ACAP2: variants seen among roughly 807,000 people sequenced by gnomAD.
ACAP2 encodes the protein arf-GAP with coiled-coil, ANK repeat and PH domain-containing protein 2.
A neutral mutation model predicts 115.8 loss-of-function variants in ACAP2; 39 were observed. The ratio of observed to expected loss-of-function variants is 0.34; its 90% CI spans 0.26 to 0.44. The LOEUF (loss-of-function observed/expected upper bound fraction) is 0.44, where lower values mean the gene tolerates loss of function less well. ACAP2 is among the 20% of genes least tolerant of loss of function. The pLI, the probability that ACAP2 is intolerant of heterozygous loss-of-function variation, is 1.00. For synonymous variants in ACAP2, 289 were observed against 315.8 expected, an observed-to-expected ratio of 0.92 and a Z score of 0.90; for missense variants, 662 against 927.6, an observed-to-expected ratio of 0.71 and a Z score of 3.72.
chr3:195,325,572 TAG>T, intron 9 of ACAP2: 2 of 381,118 alleles, frequency 5.2e-6, no homozygotes, highest in East Asian at 7.3e-5. Flanking sequence ...AAATTATTCT[TAG>T]AGTTAATAAT....
intron 4 of ACAP2, among the ~76,000 whole-genome samples, chr3:195,359,689 G>C (rs535827228): frequency 6.6e-6 from 1 of 152,132 alleles, no homozygotes; most frequent in Non-Finnish European, 1.5e-5. Flanking sequence ...GGATGGTCTC[G>C]ATCTCCTGCC....
At chr3:195,296,681 T>C (rs561914408) in intron 16 of ACAP2, among the ~76,000 whole-genome samples, 2 of 152,154 alleles carry the variant, frequency 1.3e-5, no homozygotes, top group South Asian at 2.1e-4. Flanking sequence ...TTATACAGAA[T>C]TGGAAGAATA....
At chr3:195,384,165 A>G (rs931787722) in intron 2 of ACAP2, among the ~76,000 whole-genome samples, 1 of 152,212 alleles carries the variant, frequency 6.6e-6, no homozygotes, top group Non-Finnish European at 1.5e-5. Context: ...GCCATATGAC[A>G]CATGTAAAGA....
In ACAP2 at chr3:195,378,059, G is replaced by A. The variant is rs1213414126; in HGVS notation, c.285+2950C>T. On this transcript the variant is annotated intron_variant, in intron 4 of 22. Transcript: ENST00000326793. ...TATAAGGAATAGTGAAAAAGAAGAG[G>A]GAGGGAGGGAGGGAGGAAGGGAGGA... 2.0e-4 allele frequency among the ~76,000 whole-genome samples: 18 copies of A among 91,032 alleles called. No individual in the cohort carries two copies. The Admixed American group carries it at 2.1e-3, about 11-fold the overall frequency. 59.7% of individuals were successfully genotyped at this position (91,032 alleles called of 152,430 possible). A position where few individuals can be genotyped will look rare whatever the true frequency, so the allele number is the denominator to read the frequency against.
At chr3:195,306,852 T>TTAA in intron 12 of ACAP2, 1 of 205,890 alleles carries the variant, frequency 4.9e-6, no homozygotes, top group Admixed American at 5.9e-5. Context: ...ACTGAATATT[T>TTAA]AAAAAAAAAA....
chr3:195,362,852 T>C (rs572937264), intron 4 of ACAP2, among the ~76,000 whole-genome samples: 39 of 152,288 alleles, frequency 2.6e-4, no homozygotes, highest in African/African-American at 9.1e-4. Context: ...GCTTGTATAA[T>C]AGTGAATGGG....
intron 21 of ACAP2, among the ~76,000 whole-genome samples, chr3:195,287,510 G>T (rs375508306): frequency 6.6e-6 from 1 of 152,040 alleles, no homozygotes; most frequent in East Asian, 1.9e-4. Flanking sequence ...TAGAGACAGG[G>T]CCTCGCTATG....
chr3:195,334,529 T>A (rs1730377780), intron 7 of ACAP2, among the ~76,000 whole-genome samples: 1 of 151,814 alleles, frequency 6.6e-6, no homozygotes, highest in African/African-American at 2.4e-5. Context: ...TAAATCAACA[T>A]GAAAAAGATG....
At chr3:195,424,915 TAAAAAAAAAAAAA>T (rs34038109) in intron 1 of ACAP2, among the ~76,000 whole-genome samples, 45 of 55,648 alleles carry the variant, frequency 8.1e-4, no homozygotes, top group African/African-American at 3.0e-3. Context: ...GACCCTGTCT[TAAAAAAAAAAAAA>T]AAAAAAAAAA....
chr3:195,281,015 T>C (rs1175573472), intron 22 of ACAP2, among the ~76,000 whole-genome samples: 5 of 152,192 alleles, frequency 3.3e-5, no homozygotes, highest in Non-Finnish European at 2.9e-5. Context: ...AGAGATGTCA[T>C]ACCAAAAGCT....
chr3:195,349,948 C>T, intron 4 of ACAP2: 1 of 190,098 alleles, frequency 5.3e-6, no homozygotes, highest in Non-Finnish European at 1.1e-5. Context: ...GAACATTCAC[C>T]AAACAAGCTC....
At chr3:195,364,177 A>C (rs1392870972) in intron 4 of ACAP2, among the ~76,000 whole-genome samples, 2 of 152,230 alleles carry the variant, frequency 1.3e-5, no homozygotes, top group African/African-American at 4.8e-5. Context: ...ACAGGAGAAA[A>C]TATTTGCAAT....
chr3:195,310,067 T>G (rs1728663193), intron 10 of ACAP2, among the ~76,000 whole-genome samples: 1 of 152,212 alleles, frequency 6.6e-6, no homozygotes, highest in Non-Finnish European at 1.5e-5. Flanking sequence ...TATTAATCAA[T>G]TAGCAGATAT....
chr3:195,315,382 A>G (rs1357522029), intron 10 of ACAP2, among the ~76,000 whole-genome samples: 1 of 152,250 alleles, frequency 6.6e-6, no homozygotes, highest in Non-Finnish European at 1.5e-5. Context: ...ACGTTCTTCA[A>G]TAGCATGTGA....
chr3:195,340,662 G>A (rs1730807219), intron 6 of ACAP2, among the ~76,000 whole-genome samples: 1 of 152,110 alleles, frequency 6.6e-6, no homozygotes, highest in Non-Finnish European at 1.5e-5. Context: ...GGAGAGTGTG[G>A]TCCACCACTG....
chr3:195,377,995 T>C (rs1313301003), intron 4 of ACAP2, among the ~76,000 whole-genome samples: 1 of 148,582 alleles, frequency 6.7e-6, no homozygotes, highest in East Asian at 2.0e-4. Context: ...TAAAGCAACA[T>C]GAGTTTTAGA....
At chr3:195,424,225 TGTGTGTGTGTGTGTGTGTG>T (rs201356698) in intron 1 of ACAP2, among the ~76,000 whole-genome samples, 178 of 46,080 alleles carry the variant, frequency 3.9e-3, no homozygotes, top group African/African-American at 0.03. Context: ...AATGGTCATA[TGTGTGTGTGTGTGTGTGTG>T]GTGTGTGTGT....
intron 4 of ACAP2, among the ~76,000 whole-genome samples, chr3:195,347,731 G>A (rs1340109189): frequency 6.6e-6 from 1 of 152,216 alleles, no homozygotes; most frequent in African/African-American, 2.4e-5. Flanking sequence ...ATCAGGGCCA[G>A]GCATGGTGGC....
intron 1 of ACAP2, among the ~76,000 whole-genome samples, chr3:195,411,880 A>T (rs1713289488): frequency 6.6e-6 from 1 of 151,044 alleles, no homozygotes; most frequent in African/African-American, 2.4e-5. Context: ...CCCTGTCTCT[A>T]TTTAGTAATA....
Sources: gnomAD v4.1 joint callset for allele counts (sites outside exome capture counted in the v4.1 genomes callset) on GRCh38, gnomAD v4.1.1 for gene constraint, MANE v1.5 for transcripts, NCBI Gene and HGNC (gene_info 2026-07-23, HGNC 2026-07-21) for gene names.